The following MEDAG variants were observed in gnomAD, a reference collection of about 807,000 sequenced individuals.
The protein encoded by MEDAG is mesenteric estrogen-dependent adipogenesis protein.
In MEDAG, 25 loss-of-function variants were observed where a neutral mutation model predicts 29.9. That is an observed-to-expected ratio of 0.84 (90% confidence interval 0.61 to 1.17). The LOEUF (loss-of-function observed/expected upper bound fraction) is 1.17. Among genes scored for constraint, MEDAG ranks in the 50% most tolerant of loss-of-function variants. The pLI, the probability that MEDAG is intolerant of heterozygous loss-of-function variation, is 0.00. For missense variants in MEDAG, 398 were observed against 372.9 expected (o/e 1.07, Z -0.56); for synonymous variants, 158 against 148.2 (o/e 1.07, Z -0.48).
At chr13:30,911,106 G>A (rs1442236622) in intron 1 of MEDAG, among the ~76,000 whole-genome samples, 1 of 152,158 alleles carries the variant, frequency 6.6e-6, no homozygotes, top group Non-Finnish European at 1.5e-5. Context: ...TTTACTTATT[G>A]TCCATGGGAC....
chr13:30,914,279 G>A (rs192400977), intron 1 of MEDAG, among the ~76,000 whole-genome samples: 143 of 152,320 alleles, frequency 9.4e-4, no homozygotes, highest in Non-Finnish European at 1.6e-3. Context: ...GGCTGGGGAT[G>A]GAGGAATTAA....
chr13:30,914,949 G>A (rs113268694), intron 1 of MEDAG, among the ~76,000 whole-genome samples: 8,359 of 152,246 alleles, frequency 0.055, 771 homozygotes, highest in African/African-American at 0.19. Context: ...CCCGAGGAAT[G>A]TAGTAAAGGA....
intron 3 of MEDAG, 50 bp from the exon 4 acceptor site, chr13:30,921,511 A>G: frequency 1.3e-6 from 2 of 1,516,616 alleles, no homozygotes; most frequent in Non-Finnish European, 1.8e-6. Context: ...TACAATGTCA[A>G]CAGGATACTT....
chr13:30,906,516 A>ATGGCGGGGGCGGCCTGCGAGCCGG lies in MEDAG; in HGVS notation c.6_29dup (p.Gly3_Ala10dup). On this transcript the variant is annotated inframe_insertion, in exon 1 of 5. Transcript: ENST00000380482. ...CGGTGTGAGGACCGACGACGCGGGC[A>ATGGCGGGGGCGGCCTGCGAGCCGG]TGGCGGGGGCGGCCTGCGAGCCGGT... 1 of 1,506,932 alleles carries ATGGCGGGGGCGGCCTGCGAGCCGG rather than the reference A, an allele frequency of 6.6e-7. No homozygotes were observed. The allele number at this position is 1,506,932 out of a possible 1,614,324, so 93.3% of individuals were successfully genotyped here. A position where few individuals can be genotyped will look rare whatever the true frequency, so the allele number is the denominator to read the frequency against.
At position 30,924,309 on chromosome 13, in the gene MEDAG, A is replaced by G. The variant is rs1953019188; in HGVS notation, c.788-2A>G. ...ATGCATGCTTTGTTTACTGTTTTTTAGGTTCAATAGATGATGTTTTTAACT... is the reference window on the plus strand; with the variant it reads ...ATGCATGCTTTGTTTACTGTTTTTTGGGTTCAATAGATGATGTTTTTAACT... On this transcript the variant is annotated splice_acceptor_variant, in intron 4 of 4. Coordinates refer to ENST00000380482, the MANE Select transcript of MEDAG (RefSeq NM_032849.4). LOFTEE classifies it high-confidence loss of function. 1 of 1,609,448 alleles carries G rather than the reference A, an allele frequency of 6.2e-7. No individual in the cohort carries two copies. Among genetic ancestry groups the G allele is most frequent in the Non-Finnish European group, 8.5e-7 (1 of 1,178,044 alleles).
chr13:30,917,718 G>A (rs565110706), intron 2 of MEDAG, among the ~76,000 whole-genome samples: 35 of 152,198 alleles, frequency 2.3e-4, no homozygotes, highest in East Asian at 1.4e-3. Flanking sequence ...GGAAGAGAGC[G>A]GAAGCGGGGC....
chr13:30,915,290 G>A (rs1593506937), intron 1 of MEDAG, among the ~76,000 whole-genome samples: 1 of 152,272 alleles, frequency 6.6e-6, no homozygotes, highest in Non-Finnish European at 1.5e-5. Context: ...TATTTGCATA[G>A]TAATTCTGAA....
intron 1 of MEDAG, among the ~76,000 whole-genome samples, chr13:30,915,626 C>A (rs578221656): frequency 1.3e-5 from 2 of 152,216 alleles, no homozygotes; most frequent in Non-Finnish European, 2.9e-5. Flanking sequence ...CAGGAAAATT[C>A]TCTCCCAGCT....
At position 30,925,515 on chromosome 13, in the gene MEDAG, A is replaced by G. The variant is rs1369430100; in HGVS notation, c.*1080A>G. On this transcript the variant is annotated 3_prime_UTR_variant, in exon 5 of 5. Transcript: ENST00000380482. ...AAATGTTATGTACCACATTTGCACA[A>G]TTAAAACTTTTCTTAGCATTCAACC... 1.3e-5 allele frequency: 2 copies of G among 152,226 alleles called. No homozygotes were observed. The highest frequency in any genetic ancestry group is 1.5e-5 in the Non-Finnish European group (1 of 68,042). 9.4% of individuals were successfully genotyped at this position (152,226 alleles called of 1,614,324 possible). A position where few individuals can be genotyped will look rare whatever the true frequency, so the allele number is the denominator to read the frequency against.
rs1277004267 is a variant in MEDAG, at chr13:30,906,550, C to T, written c.35C>T (p.Pro12Leu). The T allele has an allele frequency of 3.9e-6, 6 of 1,554,906 alleles. No homozygotes were observed. Among genetic ancestry groups the T allele is most frequent in the Non-Finnish European group, 5.2e-6 (6 of 1,159,248 alleles). Residue 12 changes from proline (P) to leucine (L), a missense_variant, in exon 1 of 5, where the codon CCG (proline) becomes CTG (leucine). Pro to Leu is a moderately conservative substitution (Grantham distance 98, BLOSUM62 -3). Transcript: ENST00000380482. ...GCGGCCTGCGAGCCGGTGGCCAGGCCGAGCCTGACCTCCATCTCGTCTGGG... is the reference window on the plus strand; with the variant it reads ...GCGGCCTGCGAGCCGGTGGCCAGGCTGAGCCTGACCTCCATCTCGTCTGGG... ...AGAACEPVAR[P>L]SLTSISSGEL...
chr13:30,910,191 CAA>C (rs1555264546), intron 1 of MEDAG, among the ~76,000 whole-genome samples: 1 of 111,426 alleles, frequency 9.0e-6, no homozygotes, highest in Non-Finnish European at 2.0e-5. Context: ...GACACACACA[CAA>C]ACACACACAC....
In MEDAG at chr13:30,921,801, C is replaced by T. The variant is rs1952989294; in HGVS notation, c.742C>T (p.Arg248Ter). 2.5e-6 allele frequency: 4 copies of T among 1,611,842 alleles called. No individual in the cohort carries two copies. Among genetic ancestry groups the T allele is most frequent in the Non-Finnish European group, 3.4e-6 (4 of 1,179,406 alleles). Residue 248 changes from arginine (R) to a stop codon, truncating the protein, a stop_gained, in exon 4 of 5, where the codon CGA becomes TGA. Transcript: ENST00000380482. LOFTEE classifies it high-confidence loss of function. ...FLEKMSEPLIRRSSFSDRKFS... is the reference protein window; with the variant it reads ...FLEKMSEPLI ...GGAAAAAATGAGTGAGCCTTTAATC[C>T]GAAGGAGCAGTTTCTCTGACCGAAA...
At chr13:30,914,168 TAAC>T (rs1415776462) in intron 1 of MEDAG, among the ~76,000 whole-genome samples, 1 of 152,226 alleles carries the variant, frequency 6.6e-6, no homozygotes, top group Non-Finnish European at 1.5e-5. Context: ...CTGTGCACCT[TAAC>T]AACTAAATTC....
intron 4 of MEDAG, among the ~76,000 whole-genome samples, chr13:30,923,937 G>A (rs939018814): frequency 1.3e-5 from 2 of 152,150 alleles, no homozygotes; most frequent in South Asian, 4.1e-4. Context: ...TGCTTGTCAC[G>A]TGGTCCAAAC....
intron 1 of MEDAG, 30 bp downstream of exon 1, chr13:30,906,823 G>A (rs373120905): frequency 7.0e-7 from 1 of 1,432,176 alleles, no homozygotes; most frequent in Non-Finnish European, 9.1e-7. Context: ...GCCCTGGCCC[G>A]TCGCCTGGTA....
rs1310195345 is a variant in MEDAG, at chr13:30,921,720, G to A, written c.661G>A (p.Val221Ile). The change falls in exon 4 of 5, where the codon GTT (valine) becomes ATT (isoleucine). Residue 221 changes from valine (V) to isoleucine (I), a missense_variant. Coordinates refer to ENST00000380482, the MANE Select transcript of MEDAG (RefSeq NM_032849.4). ...TTCCGTTGTAAAAGTAAATGGAAAAGTTCTGAATTTGTCAAGTACAAGTCC... is the reference window on the plus strand; with the variant it reads ...TTCCGTTGTAAAAGTAAATGGAAAAATTCTGAATTTGTCAAGTACAAGTCC... ...SNSVVKVNGK[V>I]LNLSSTSPEK... is the part of the protein sequence containing the mutation. The A allele has an allele frequency of 6.2e-7, 1 of 1,614,040 alleles. No homozygotes were observed. Among genetic ancestry groups the A allele is most frequent in the Non-Finnish European group, 8.5e-7 (1 of 1,179,998 alleles).
chr13:30,910,066 A>T (rs972639513), intron 1 of MEDAG, among the ~76,000 whole-genome samples: 5 of 152,122 alleles, frequency 3.3e-5, no homozygotes, highest in Non-Finnish European at 4.4e-5. Flanking sequence ...TTCTTTCAAG[A>T]TCAGGATTTT....
rs148061281 is a variant in MEDAG at position 30,907,131 on chromosome 13, A to T, written c.278+338A>T. Among the ~76,000 whole-genome samples the T allele has an allele frequency of 2.9e-4, 44 of 152,262 alleles. No individual in the cohort carries two copies. The East Asian group carries it at 7.7e-3, about 27-fold the overall frequency. ...TCTGGCTCCTTAACTGGGTCAGATG[A>T]GCTCAAATTGGGAGCACACCCTTTA... On this transcript the variant is annotated intron_variant, in intron 1 of 4. Coordinates refer to ENST00000380482, the MANE Select transcript of MEDAG (RefSeq NM_032849.4).
chr13:30,907,349 G>A (rs759986464), intron 1 of MEDAG, among the ~76,000 whole-genome samples: 8 of 152,188 alleles, frequency 5.3e-5, no homozygotes, highest in Non-Finnish European at 8.8e-5. Context: ...CAAATAAACC[G>A]CAGCTGAGAA....
Sources: allele counts gnomAD v4.1 joint callset (sites outside exome capture counted in the v4.1 genomes callset), GRCh38; gene constraint gnomAD v4.1.1; transcripts MANE v1.5; gene names NCBI Gene and HGNC (gene_info 2026-07-23, HGNC 2026-07-21).